TANGO6: variants seen among roughly 807,000 people sequenced by gnomAD.
TANGO6 encodes transport and Golgi organization protein 6 homolog.
TANGO6 carries 90 observed loss-of-function variants against 114.2 expected under a neutral mutation model. That is an observed-to-expected ratio of 0.79 (90% CI 0.66 to 0.94). The LOEUF (loss-of-function observed/expected upper bound fraction) is 0.94. Ranked by LOEUF, TANGO6 falls within the 40% of genes least tolerant of loss-of-function variation. TANGO6 has a pLI of 0.00. For synonymous variants in TANGO6, 477 were observed against 509.8 expected, an observed-to-expected ratio of 0.94 and a Z score of 0.87; for missense variants, 1,274 against 1,315.3, an observed-to-expected ratio of 0.97 and a Z score of 0.49.
At chr16:68,986,368 C>A (rs761719389) in intron 15 of TANGO6, among the ~76,000 whole-genome samples, 30 of 152,064 alleles carry the variant, frequency 2.0e-4, no homozygotes, top group Non-Finnish European at 4.1e-4. Flanking sequence ...CAAAGCAGCT[C>A]CTCAGATTAC....
intron 15 of TANGO6, among the ~76,000 whole-genome samples, chr16:69,003,176 G>A (rs377090884): frequency 7.2e-5 from 11 of 152,012 alleles, no homozygotes; most frequent in African/African-American, 2.2e-4. Context: ...AAGCCTTAAC[G>A]AAGGTTATGA....
intron 17 of TANGO6, among the ~76,000 whole-genome samples, chr16:69,070,756 T>C (rs1960287048): frequency 6.8e-6 from 1 of 146,890 alleles, no homozygotes; most frequent in African/African-American, 2.5e-5. Context: ...ATATTATTAT[T>C]ATTATTATTA....
intron 14 of TANGO6, among the ~76,000 whole-genome samples, chr16:68,933,487 G>A (rs1290657508): frequency 6.6e-6 from 1 of 152,186 alleles, no homozygotes; most frequent in African/African-American, 2.4e-5. Flanking sequence ...TATCACTCAC[G>A]CATCTGTAGA....
chr16:68,880,721 C>T (rs1213970830), intron 7 of TANGO6, 91 bp downstream of exon 7: 11 of 824,178 alleles, frequency 1.3e-5, no homozygotes, highest in African/African-American at 1.8e-5. Flanking sequence ...GGTGGGGTCT[C>T]ACCACGTTGC....
intron 15 of TANGO6, among the ~76,000 whole-genome samples, chr16:69,011,746 C>CTA (rs1234066790): frequency 1.3e-5 from 2 of 152,196 alleles, no homozygotes; most frequent in African/African-American, 2.4e-5. Context: ...TTTGACAGCA[C>CTA]CCCTCTGCTA....
chr16:68,883,428 T>C (rs1026467256), intron 7 of TANGO6, among the ~76,000 whole-genome samples: 8 of 152,234 alleles, frequency 5.3e-5, no homozygotes, highest in Non-Finnish European at 1.0e-4. Context: ...TTTTTTGTGA[T>C]TGGCTTTTTT....
At chr16:68,985,511 ACCAG>A (rs997921434) in intron 15 of TANGO6, among the ~76,000 whole-genome samples, 1 of 152,092 alleles carries the variant, frequency 6.6e-6, no homozygotes, top group Admixed American at 6.5e-5. Context: ...GGAGTTCAAG[ACCAG>A]CCTGGACAAC....
chr16:68,856,884 C>T (rs561678741), intron 1 of TANGO6, among the ~76,000 whole-genome samples: 1 of 152,194 alleles, frequency 6.6e-6, no homozygotes, highest in Admixed American at 6.5e-5. Flanking sequence ...CTAAGGTGGG[C>T]GGATCACGAG....
intron 16 of TANGO6, among the ~76,000 whole-genome samples, chr16:69,031,010 C>G: frequency 6.6e-6 from 1 of 151,988 alleles, no homozygotes; most frequent in East Asian, 2.0e-4. Flanking sequence ...GAACCAATAT[C>G]GCACCACTAC....
intron 16 of TANGO6, among the ~76,000 whole-genome samples, chr16:69,028,206 C>T (rs529185901): frequency 1.3e-4 from 20 of 152,096 alleles, no homozygotes; most frequent in Admixed American, 3.9e-4. Flanking sequence ...GTGATCCATC[C>T]GCTTCGGGCC....
At chr16:68,912,654 A>T (rs1322815048) in intron 11 of TANGO6, among the ~76,000 whole-genome samples, 1 of 152,002 alleles carries the variant, frequency 6.6e-6, no homozygotes, top group African/African-American at 2.4e-5. Context: ...AACAAAAAAC[A>T]TTTAAACAAC....
chr16:68,982,582 G>T (rs992894337), intron 15 of TANGO6, among the ~76,000 whole-genome samples: 1 of 150,598 alleles, frequency 6.6e-6, no homozygotes. Context: ...TACCCACCTT[G>T]GCCTCCCAAA....
chr16:69,001,510 AAC>A (rs1388120652), intron 15 of TANGO6, among the ~76,000 whole-genome samples: 4 of 152,168 alleles, frequency 2.6e-5, no homozygotes, highest in African/African-American at 7.2e-5. Context: ...TCACACATAC[AAC>A]ACATATAAAT....
At chr16:69,079,285 G>A (rs776384428) in intron 17 of TANGO6, among the ~76,000 whole-genome samples, 13 of 151,808 alleles carry the variant, frequency 8.6e-5, no homozygotes, top group African/African-American at 2.9e-4. Flanking sequence ...AGCCGAGATC[G>A]CACATTGCAC....
Position 68,875,135 on chromosome 16 carries a change from T to C in TANGO6, c.995-19T>C, listed in dbSNP as rs766093129. 15 of 1,608,240 alleles carry C rather than the reference T, an allele frequency of 9.3e-6. No homozygotes were observed. In the South Asian group the frequency reaches 1.7e-4, roughly 18 times the overall value. On this transcript the variant is annotated intron_variant, in intron 4 of 17. Transcript: ENST00000261778. ...GGGGAATTGCTGTGAGCTGCTAACA[T>C]CTCTCTCCATTGTGCCAGCGGGAGC...
At chr16:68,972,333 C>T (rs1963714997) in intron 14 of TANGO6, among the ~76,000 whole-genome samples, 1 of 151,972 alleles carries the variant, frequency 6.6e-6, no homozygotes, top group Non-Finnish European at 1.5e-5. Context: ...GCGGATAAGG[C>T]CAGTGAAGAG....
At chr16:69,075,002 C>G (rs1960353258) in intron 17 of TANGO6, among the ~76,000 whole-genome samples, 1 of 152,024 alleles carries the variant, frequency 6.6e-6, no homozygotes, top group Non-Finnish European at 1.5e-5. Context: ...GCATGCGCCA[C>G]TACGCCTGGC....
intron 1 of TANGO6, among the ~76,000 whole-genome samples, chr16:68,859,392 A>G (rs951069670): frequency 1.3e-5 from 2 of 152,042 alleles, no homozygotes; most frequent in South Asian, 2.1e-4. Flanking sequence ...GCTGGTCTTG[A>G]ACTCCTAGGC....
Position 68,974,106 on chromosome 16 carries a change from A to G in TANGO6, c.2780A>G (p.Lys927Arg), listed in dbSNP as rs779340603. ...GCTCAATATGACAGCAGCAAAGACA[A>G]GCACACACCAGAGACCAGAATGAAA... Reference protein sequence around the residue: ...LLAQYDSSKDKHTPETRMKVG... With the variant: ...LLAQYDSSKDRHTPETRMKVG... Residue 927 changes from lysine (K) to arginine (R), a missense_variant, in exon 15 of 18, where the codon AAG (lysine) becomes AGG (arginine). Transcript: ENST00000261778. 2 of 1,613,972 alleles carry G rather than the reference A, an allele frequency of 1.2e-6. No individual in the cohort carries two copies. The highest frequency in any genetic ancestry group is 2.2e-5 in the East Asian group (1 of 44,874).
Sources: allele counts gnomAD v4.1 joint callset (sites outside exome capture counted in the v4.1 genomes callset), GRCh38; gene constraint gnomAD v4.1.1; transcripts MANE v1.5; gene names NCBI Gene and HGNC (gene_info 2026-07-23, HGNC 2026-07-21).